Variants in TSHZ2 observed in about 807,000 individuals in gnomAD.
TSHZ2 encodes the protein teashirt zinc finger homeobox 2.
Under a neutral mutation model 74.4 loss-of-function variants are expected in TSHZ2, and 21 were observed. The observed-to-expected ratio is 0.28, with a 90% CI of 0.20 to 0.41. The LOEUF is 0.41. Ranked by LOEUF, TSHZ2 falls within the 10% of genes least tolerant of loss-of-function variation. The probability of loss-of-function intolerance (pLI) is 1.00; values close to 1 mark genes in which losing one functional copy is unlikely to be tolerated. For missense variants in TSHZ2, 1,244 were observed against 1,293.5 expected (o/e 0.96, Z 0.59); for synonymous variants, 540 against 515.3 (o/e 1.05, Z -0.65).
rs1022500372 is a variant in TSHZ2 at position 53,329,639 on chromosome 20, A to G, written c.*8+73068A>G. ...TGGGCCTTGCGTCTAGACTAATTAT[A>G]TGGATAATGGTTGTGGGGGGCGGGG... On this transcript the variant is annotated intron_variant, in intron 2 of 2. Coordinates refer to ENST00000371497, the MANE Select transcript of TSHZ2 (RefSeq NM_173485.6). Among the ~76,000 whole-genome samples, 11 of 140,672 alleles carry G rather than the reference A, an allele frequency of 7.8e-5. No homozygotes were observed. In the Admixed American group the frequency reaches 7.9e-4, roughly 10 times the overall value. The allele number at this position is 140,672 out of a possible 152,430, so 92.3% of individuals were successfully genotyped here.
intron 1 of TSHZ2, among the ~76,000 whole-genome samples, chr20:52,982,946 A>G (rs1981623210): frequency 1.3e-5 from 2 of 152,192 alleles, no homozygotes; most frequent in South Asian, 4.1e-4. Context: ...AGTTGAACAT[A>G]GGTCCTGTTT....
chr20:53,394,429 T>C (rs766824323), intron 2 of TSHZ2, among the ~76,000 whole-genome samples: 6 of 152,198 alleles, frequency 3.9e-5, no homozygotes, highest in Admixed American at 6.5e-5. Flanking sequence ...TGGCTTAAGG[T>C]TGCTACAGTT....
intron 2 of TSHZ2, among the ~76,000 whole-genome samples, chr20:53,277,176 G>A (rs1173087128): frequency 6.6e-6 from 1 of 152,164 alleles, no homozygotes; most frequent in African/African-American, 2.4e-5. Flanking sequence ...GGCTATCAAG[G>A]GAAGAGGTCT....
At chr20:53,207,036 T>C (rs1213001501) in intron 1 of TSHZ2, among the ~76,000 whole-genome samples, 1 of 152,210 alleles carries the variant, frequency 6.6e-6, no homozygotes, top group Non-Finnish European at 1.5e-5. Context: ...CCTTACCACC[T>C]GCTCAACCTG....
In TSHZ2 at chr20:53,417,938, C is replaced by G. The variant is rs201386307; in HGVS notation, c.*9-69206C>G. Among the ~76,000 whole-genome samples, 6 of 152,242 alleles carry G rather than the reference C, an allele frequency of 3.9e-5. No homozygotes were observed. In the East Asian group the frequency reaches 7.7e-4, roughly 20 times the overall value. On this transcript the variant is annotated intron_variant, in intron 2 of 2. Coordinates refer to ENST00000371497, the MANE Select transcript of TSHZ2 (RefSeq NM_173485.6). ...TGAGTGCTAGAGACACAGCAAGGAA[C>G]AAGAGTGAGCAGGGCTCTGAGCTCA...
At chr20:53,028,342 G>A (rs1021615136) in intron 1 of TSHZ2, among the ~76,000 whole-genome samples, 25 of 152,148 alleles carry the variant, frequency 1.6e-4, no homozygotes, top group Admixed American at 6.5e-5. Flanking sequence ...TCACATCCCC[G>A]ATGTGGCCAT....
chr20:53,315,797 C>T (rs1385747203), intron 2 of TSHZ2, among the ~76,000 whole-genome samples: 2 of 152,168 alleles, frequency 1.3e-5, no homozygotes, highest in Non-Finnish European at 2.9e-5. Flanking sequence ...ATTATAATTG[C>T]AACGAATGCT....
At chr20:53,126,641 A>G (rs1986953548) in intron 1 of TSHZ2, among the ~76,000 whole-genome samples, 1 of 152,216 alleles carries the variant, frequency 6.6e-6, no homozygotes, top group Non-Finnish European at 1.5e-5. Flanking sequence ...CCACAAAGGT[A>G]TCATTCAGGA....
chr20:53,167,605 G>C (rs529547675), intron 1 of TSHZ2, among the ~76,000 whole-genome samples: 2 of 152,212 alleles, frequency 1.3e-5, no homozygotes, highest in East Asian at 3.9e-4. Context: ...GTATGTGTGT[G>C]TTTAATAAGG....
At chr20:53,084,426 T>C (rs1215325358) in intron 1 of TSHZ2, among the ~76,000 whole-genome samples, 1 of 152,222 alleles carries the variant, frequency 6.6e-6, no homozygotes, top group Non-Finnish European at 1.5e-5. Context: ...AATATGTCAC[T>C]AGCTAAAACT....
chr20:53,270,053 T>C (rs538863845), intron 2 of TSHZ2, among the ~76,000 whole-genome samples: 1 of 152,166 alleles, frequency 6.6e-6, no homozygotes, highest in African/African-American at 2.4e-5. Context: ...CTGGGAGCTA[T>C]GTAGGAATCT....
At chr20:53,000,843 A>T (rs954357318) in intron 1 of TSHZ2, among the ~76,000 whole-genome samples, 1 of 152,162 alleles carries the variant, frequency 6.6e-6, no homozygotes, top group African/African-American at 2.4e-5. Context: ...TGATTCCATG[A>T]AAAGTTTCCT....
chr20:53,356,825 G>A (rs760991674), intron 2 of TSHZ2, among the ~76,000 whole-genome samples: 2 of 151,736 alleles, frequency 1.3e-5, no homozygotes, highest in Non-Finnish European at 2.9e-5. Context: ...TACATCTATT[G>A]ATAAAGGGTT....
chr20:53,160,399 A>G (rs1987901491), intron 1 of TSHZ2, among the ~76,000 whole-genome samples: 1 of 152,120 alleles, frequency 6.6e-6, no homozygotes, highest in Non-Finnish European at 1.5e-5. Context: ...GTGTTCCATA[A>G]TCATCTGTTG....
intron 1 of TSHZ2, among the ~76,000 whole-genome samples, chr20:53,013,322 C>G: frequency 6.6e-6 from 1 of 152,088 alleles, no homozygotes; most frequent in South Asian, 2.1e-4. Context: ...CTCTCACATC[C>G]CTATTTGTCC....
intron 2 of TSHZ2, among the ~76,000 whole-genome samples, chr20:53,341,498 T>C (rs1255978117): frequency 1.3e-5 from 2 of 152,042 alleles, no homozygotes; most frequent in Non-Finnish European, 2.9e-5. Context: ...CTTTATTTTT[T>C]TTTTTAATAG....
Position 53,171,622 on chromosome 20 carries a change from G to A in TSHZ2, c.41-81877G>A, listed in dbSNP as rs899215072. ...TACCCTTTAAAATTTTTGTGAGGGT[G>A]TTTGTACAAATTATTACTTTAAATT... On this transcript the variant is annotated intron_variant, in intron 1 of 2. Coordinates refer to ENST00000371497, the MANE Select transcript of TSHZ2 (RefSeq NM_173485.6). Among the ~76,000 whole-genome samples, 10 of 151,910 alleles carry A rather than the reference G, an allele frequency of 6.6e-5. 1 individual carries two copies. Among genetic ancestry groups the A allele is most frequent in the African/African-American group, 2.4e-4 (10 of 41,424 alleles).
intron 2 of TSHZ2, among the ~76,000 whole-genome samples, chr20:53,486,513 G>A (rs1600675573): frequency 6.6e-6 from 1 of 152,028 alleles, no homozygotes; most frequent in East Asian, 1.9e-4. Flanking sequence ...GATAGGCTCT[G>A]CAAAATAAAA....
At chr20:53,268,575 T>G (rs1249470217) in intron 2 of TSHZ2, among the ~76,000 whole-genome samples, 1 of 152,240 alleles carries the variant, frequency 6.6e-6, no homozygotes, top group East Asian at 1.9e-4. Context: ...CTTCTTTCCC[T>G]GTGATGAGTC....
Sources: gnomAD v4.1 joint callset for allele counts (sites outside exome capture counted in the v4.1 genomes callset) on GRCh38, gnomAD v4.1.1 for gene constraint, MANE v1.5 for transcripts, NCBI Gene and HGNC (gene_info 2026-07-23, HGNC 2026-07-21) for gene names.